PPP1R1A: variants seen among roughly 807,000 people sequenced by gnomAD.
The protein encoded by PPP1R1A is protein phosphatase 1 regulatory subunit 1A.
Under a neutral mutation model 23.9 loss-of-function variants are expected in PPP1R1A, and 18 were observed. The observed-to-expected ratio is 0.75, with a 90% confidence interval of 0.52 to 1.12. The LOEUF (loss-of-function observed/expected upper bound fraction) is 1.12. Among genes scored for constraint, PPP1R1A ranks in the 50% most tolerant of loss-of-function variants. PPP1R1A has a pLI of 0.00. For synonymous variants in PPP1R1A, 84 were observed against 80.7 expected, an observed-to-expected ratio of 1.04 and a Z score of -0.22; for missense variants, 207 against 223.8, an observed-to-expected ratio of 0.92 and a Z score of 0.48.
At chr12:54,584,157 G>T in intron 2 of PPP1R1A, 103 bp downstream of exon 2, 2 of 1,176,228 alleles carry the variant, frequency 1.7e-6, no homozygotes, top group Non-Finnish European at 2.5e-6. Flanking sequence ...GGACATCCCC[G>T]CCTTCTCAGA....
intron 3 of PPP1R1A, among the ~76,000 whole-genome samples, 157 bp downstream of exon 3, chr12:54,583,054 C>T (rs187207876): frequency 1.3e-5 from 2 of 152,058 alleles, no homozygotes; most frequent in Admixed American, 1.3e-4. Context: ...GTGTGGGGTG[C>T]ATGTGTATAT....
chr12:54,580,363 G>C lies in PPP1R1A; in HGVS notation c.*24C>G. The C allele has an allele frequency of 6.2e-7, 1 of 1,613,528 alleles. No individual in the cohort carries two copies. Among genetic ancestry groups the C allele is most frequent in the Non-Finnish European group, 8.5e-7 (1 of 1,179,630 alleles). On this transcript the variant is annotated 3_prime_UTR_variant, in exon 7 of 7. Transcript: ENST00000257905. ...CCATGCATTCCCAAACTGCAGTCTT[G>C]ATCCCAAGATACCTCCTCCTCTCTC... is the stretch of plus-strand genomic sequence containing the variant.
intron 1 of PPP1R1A, among the ~76,000 whole-genome samples, chr12:54,586,605 G>A (rs1260132916): frequency 1.3e-5 from 2 of 152,232 alleles, no homozygotes; most frequent in Non-Finnish European, 1.5e-5. Context: ...TAACACAGCA[G>A]GAGGGGCTGA....
intron 1 of PPP1R1A, among the ~76,000 whole-genome samples, chr12:54,586,762 G>T (rs1168180860): frequency 6.6e-6 from 1 of 152,038 alleles, no homozygotes; most frequent in African/African-American, 2.4e-5. Flanking sequence ...CCCTGAACCA[G>T]CTGGCCTTCC....
intron 6 of PPP1R1A, among the ~76,000 whole-genome samples, chr12:54,580,685 C>G (rs1957846335): frequency 6.6e-6 from 1 of 152,298 alleles, no homozygotes. Flanking sequence ...TCAAAAAATC[C>G]ATGGCCTACT....
chr12:54,579,693 T>G lies in PPP1R1A; in HGVS notation c.*694A>C, dbSNP rs999973669. ...TGGGCCTCTTCATTAATAGCCACTGTGTTCTCTATCCATTGTTGCTAACGG... is the reference window on the plus strand; with the variant it reads ...TGGGCCTCTTCATTAATAGCCACTGGGTTCTCTATCCATTGTTGCTAACGG... On this transcript the variant is annotated 3_prime_UTR_variant, in exon 7 of 7. Transcript: ENST00000257905. 2.0e-6 allele frequency: 2 copies of G among 985,514 alleles called. No individual in the cohort carries two copies. The highest frequency in any genetic ancestry group is 2.4e-6 in the Non-Finnish European group (2 of 829,994). The allele number at this position is 985,514 out of a possible 1,614,324, so 61.0% of individuals were successfully genotyped here.
In PPP1R1A at chr12:54,581,815, T is replaced by C. The variant is rs751630227; in HGVS notation, c.403+161A>G. ...GTAAGGAAAAGTGAAGATTCAAATA[T>C]ATGCCGAACATGCCAACAGATCCAT... On this transcript the variant is annotated intron_variant, in intron 5 of 6. Transcript: ENST00000257905. This position sits in a 1 kb window ranked among gnomAD's most constrained non-coding sequence, Gnocchi z 4.1. 3.3e-5 allele frequency among the ~76,000 whole-genome samples: 5 copies of C among 152,178 alleles called. No homozygotes were observed. The highest frequency in any genetic ancestry group is 9.7e-5 in the African/African-American group (4 of 41,426).
rs1957937307 is a variant in PPP1R1A, at chr12:54,588,630, G to A, written c.-142C>T. ...CGCTCGGCTCCCGGCTCCCGGCACA[G>A]CGCTCCCAGCTCGCGGCTCCGGGGA... On this transcript the variant is annotated 5_prime_UTR_variant, in exon 1 of 7. Coordinates refer to ENST00000257905, the MANE Select transcript of PPP1R1A (RefSeq NM_006741.4). 3.4e-6 allele frequency: 1 copy of A among 294,576 alleles called. No homozygotes were observed. Among genetic ancestry groups the A allele is most frequent in the Non-Finnish European group, 5.8e-6 (1 of 173,480 alleles). The allele number at this position is 294,576 out of a possible 1,614,324, so 18.2% of individuals were successfully genotyped here. A position where few individuals can be genotyped will look rare whatever the true frequency, so the allele number is the denominator to read the frequency against.
Position 54,579,781 on chromosome 12 carries a change from C to T in PPP1R1A, c.*606G>A. 1 of 985,716 alleles carries T rather than the reference C, an allele frequency of 1.0e-6. No individual in the cohort carries two copies. The highest frequency in any genetic ancestry group is 1.2e-6 in the Non-Finnish European group (1 of 830,156). 61.1% of individuals were successfully genotyped at this position (985,716 alleles called of 1,614,324 possible). A position where few individuals can be genotyped will look rare whatever the true frequency, so the allele number is the denominator to read the frequency against. On this transcript the variant is annotated 3_prime_UTR_variant, in exon 7 of 7. Coordinates refer to ENST00000257905, the MANE Select transcript of PPP1R1A (RefSeq NM_006741.4). The stretch of plus-strand genomic sequence containing the variant: ...GGAACACATCCTGAAGCTTGGGAAT[C>T]CAAAAGGAAGGCAGCTGGGGCTTGG...
rs548589969 is a variant in PPP1R1A at position 54,579,577 on chromosome 12, G to A, written c.*810C>T. ...CAGCAGGAGAGAGGCCTGGCCGTGA[G>A]ATCTGAGACAGTTTCTTCTCTTATG... On this transcript the variant is annotated 3_prime_UTR_variant, in exon 7 of 7. Transcript: ENST00000257905. 1 of 985,426 alleles carries A rather than the reference G, an allele frequency of 1.0e-6. No individual in the cohort carries two copies. Among genetic ancestry groups the A allele is most frequent in the African/African-American group, 1.7e-5 (1 of 57,350 alleles). The allele number at this position is 985,426 out of a possible 1,614,324, so 61.0% of individuals were successfully genotyped here. A position where few individuals can be genotyped will look rare whatever the true frequency, so the allele number is the denominator to read the frequency against.
intron 2 of PPP1R1A, 130 bp from the exon 3 acceptor site, chr12:54,583,378 C>T: frequency 1.1e-6 from 1 of 885,994 alleles, no homozygotes; most frequent in Non-Finnish European, 1.6e-6. Flanking sequence ...TGCCCCCAGG[C>T]TCTTGGCCCT....
intron 1 of PPP1R1A, among the ~76,000 whole-genome samples, chr12:54,586,876 C>T (rs1408649472): frequency 2.6e-5 from 4 of 152,212 alleles, no homozygotes; most frequent in Non-Finnish European, 5.9e-5. Context: ...CTCCTTGGAA[C>T]TGCATCCCCA....
intron 4 of PPP1R1A, 59 bp downstream of exon 4, chr12:54,582,672 CG>C (rs1163306057): frequency 6.4e-7 from 1 of 1,561,298 alleles, no homozygotes; most frequent in Non-Finnish European, 8.8e-7. Flanking sequence ...AAAGGGCATT[CG>C]GTCTCCTCTT....
chr12:54,582,697 A>G, intron 4 of PPP1R1A, 35 bp downstream of exon 4: 1 of 1,604,278 alleles, frequency 6.2e-7, no homozygotes, highest in African/African-American at 1.3e-5. Context: ...CTTCAGGCAC[A>G]GAGGAGAAAA....
In PPP1R1A at chr12:54,588,455, A is replaced by C; in HGVS notation, c.34T>G (p.Phe12Val). The C allele has an allele frequency of 6.7e-7, 1 of 1,483,048 alleles. No individual in the cohort carries two copies. The highest frequency in any genetic ancestry group is 9.0e-7 in the Non-Finnish European group (1 of 1,110,698). 91.9% of individuals were successfully genotyped at this position (1,483,048 alleles called of 1,614,324 possible). A position where few individuals can be genotyped will look rare whatever the true frequency, so the allele number is the denominator to read the frequency against. Residue 12 changes from phenylalanine to valine, a missense_variant, in exon 1 of 7, where the codon TTC (phenylalanine) becomes GTC (valine). Transcript: ENST00000257905. Reference protein sequence around the residue: ...EQDNSPRKIQFTVPLLEPHLD... With the variant: ...EQDNSPRKIQVTVPLLEPHLD... ...TGCGGCTCCAGCAGCGGGACCGTGAACTGGATCTTTCGGGGGCTGTTGTCT... is the reference window on the plus strand; with the variant it reads ...TGCGGCTCCAGCAGCGGGACCGTGACCTGGATCTTTCGGGGGCTGTTGTCT...
chr12:54,588,256 A>ACCCCCCCCCCCCCCCCCCCCC (rs142801029), intron 1 of PPP1R1A, 149 bp downstream of exon 1: 4 of 181,492 alleles, frequency 2.2e-5, no homozygotes, highest in Non-Finnish European at 4.4e-5. Flanking sequence ...GGGACAGAAG[A>ACCCCCCCCCCCCCCCCCCCCC]CCCCCCCCCG....
intron 1 of PPP1R1A, among the ~76,000 whole-genome samples, chr12:54,588,144 A>G (rs1008019997): frequency 2.6e-5 from 4 of 151,742 alleles, no homozygotes; most frequent in African/African-American, 9.7e-5. Context: ...CTGGGGAGGA[A>G]GAGAGCGACT....
intron 1 of PPP1R1A, among the ~76,000 whole-genome samples, chr12:54,586,699 T>G (rs1228146137): frequency 6.6e-6 from 1 of 152,110 alleles, no homozygotes; most frequent in Non-Finnish European, 1.5e-5. Context: ...CGGCTCTCTT[T>G]TTTCCCTCTG....
chr12:54,583,329 A>G, intron 2 of PPP1R1A, 81 bp from the exon 3 acceptor site: 6 of 1,279,496 alleles, frequency 4.7e-6, no homozygotes, highest in Non-Finnish European at 5.2e-6. Flanking sequence ...AGGGGAGGGG[A>G]TTCTGCAGCC....
Sources: gnomAD v4.1 joint callset for allele counts (sites outside exome capture counted in the v4.1 genomes callset) on GRCh38, gnomAD v4.1.1 for gene constraint, Gnocchi (gnomAD v3.1) non-coding constraint, MANE v1.5 for transcripts, NCBI Gene and HGNC (gene_info 2026-07-23, HGNC 2026-07-21) for gene names.